CDK14: variants seen among roughly 807,000 people sequenced by gnomAD.
CDK14 encodes the protein cyclin-dependent kinase 14.
CDK14 carries 34 observed loss-of-function variants against 60.7 expected under a neutral mutation model. The ratio of observed to expected loss-of-function variants is 0.56; its 90% CI spans 0.43 to 0.75. The LOEUF is 0.75. Ranked by LOEUF, CDK14 falls within the 30% of genes least tolerant of loss-of-function variation. CDK14 has a pLI of 0.00. For missense variants in CDK14, 482 were observed against 564.1 expected (o/e 0.85, Z 1.47); for synonymous variants, 197 against 203.7 (o/e 0.97, Z 0.28).
intron 5 of CDK14, among the ~76,000 whole-genome samples, chr7:90,791,937 C>T (rs961848824): frequency 6.7e-6 from 1 of 148,226 alleles, no homozygotes; most frequent in Admixed American, 6.8e-5. Context: ...GAATCTTGCT[C>T]TGTCACCCAG....
chr7:90,795,944 C>T (rs1031036475), intron 5 of CDK14, among the ~76,000 whole-genome samples: 9 of 152,148 alleles, frequency 5.9e-5, no homozygotes, highest in African/African-American at 2.2e-4. Context: ...AGTAGGATCA[C>T]ATTGAAGTTG....
At chr7:90,736,214 C>T (rs964556481) in intron 3 of CDK14, among the ~76,000 whole-genome samples, 4 of 152,038 alleles carry the variant, frequency 2.6e-5, no homozygotes, top group Non-Finnish European at 4.4e-5. Flanking sequence ...TAGAAATCAC[C>T]TGCCTTCCGT....
At chr7:90,806,835 C>T (rs1010550679) in intron 5 of CDK14, among the ~76,000 whole-genome samples, 1 of 152,224 alleles carries the variant, frequency 6.6e-6, no homozygotes, top group Non-Finnish European at 1.5e-5. Context: ...GTGCCTGGCT[C>T]TGAGGGTCCT....
chr7:90,888,731 G>C (rs1376931384), intron 6 of CDK14, among the ~76,000 whole-genome samples: 1 of 152,010 alleles, frequency 6.6e-6, no homozygotes, highest in Non-Finnish European at 1.5e-5. Context: ...AGAATATTTT[G>C]TGTGGCCCAC....
chr7:90,945,607 A>G (rs563272814), intron 8 of CDK14, among the ~76,000 whole-genome samples: 6 of 152,270 alleles, frequency 3.9e-5, no homozygotes, highest in African/African-American at 1.4e-4. Context: ...GAACAAATAT[A>G]CTGAGCTCAC....
intron 14 of CDK14, among the ~76,000 whole-genome samples, chr7:91,185,783 T>C (rs1334071157): frequency 1.3e-5 from 2 of 151,990 alleles, no homozygotes; most frequent in African/African-American, 4.8e-5. Context: ...TTTAAAGCAG[T>C]TCGGGGGTTT....
chr7:90,787,738 A>C (rs1330435987), intron 4 of CDK14, among the ~76,000 whole-genome samples: 1 of 152,188 alleles, frequency 6.6e-6, no homozygotes. Flanking sequence ...ATAAAATCTC[A>C]GTGTCATGAA....
intron 7 of CDK14, among the ~76,000 whole-genome samples, chr7:90,909,431 AC>A (rs953584736): frequency 1.1e-5 from 1 of 88,466 alleles, no homozygotes; most frequent in African/African-American, 4.5e-5. Flanking sequence ...ACCCAGCCCC[AC>A]CCCCCACCCC....
intron 12 of CDK14, among the ~76,000 whole-genome samples, chr7:91,086,593 G>A (rs921319355): frequency 6.6e-6 from 1 of 152,042 alleles, no homozygotes; most frequent in African/African-American, 2.4e-5. Flanking sequence ...ATTGAGAGGG[G>A]CTCCATTTTC....
intron 5 of CDK14, among the ~76,000 whole-genome samples, chr7:90,812,945 T>C (rs1789195342): frequency 6.6e-6 from 1 of 152,162 alleles, no homozygotes; most frequent in Admixed American, 6.5e-5. Context: ...GAAAACATAC[T>C]TCCACATGAA....
chr7:90,838,616 G>T (rs1790190783), intron 5 of CDK14, among the ~76,000 whole-genome samples: 1 of 152,164 alleles, frequency 6.6e-6, no homozygotes, highest in South Asian at 2.1e-4. Context: ...TGCATTCCCA[G>T]GGGTAGGTCT....
chr7:90,811,046 G>T (rs1216563590), intron 5 of CDK14, among the ~76,000 whole-genome samples: 1 of 152,190 alleles, frequency 6.6e-6, no homozygotes, highest in Non-Finnish European at 1.5e-5. Flanking sequence ...ACTGCCCAAG[G>T]TAATTTATAG....
At chr7:90,757,724 C>T (rs1482836244) in intron 4 of CDK14, among the ~76,000 whole-genome samples, 1 of 152,044 alleles carries the variant, frequency 6.6e-6, no homozygotes, top group Non-Finnish European at 1.5e-5. Flanking sequence ...CCTCAGCACC[C>T]CCGAGTAGCT....
chr7:91,092,384 T>G (rs1692385102), intron 12 of CDK14, among the ~76,000 whole-genome samples: 1 of 152,180 alleles, frequency 6.6e-6, no homozygotes, highest in Non-Finnish European at 1.5e-5. Context: ...AAGAATAATT[T>G]GACCAGCCTC....
chr7:90,815,728 T>C (rs2117059472), intron 5 of CDK14, among the ~76,000 whole-genome samples: 1 of 152,336 alleles, frequency 6.6e-6, no homozygotes, highest in South Asian at 2.1e-4. Flanking sequence ...CATGGAATAC[T>C]ATGCAGCCAT....
intron 6 of CDK14, among the ~76,000 whole-genome samples, chr7:90,867,631 A>G (rs1050792545): frequency 1.3e-5 from 2 of 152,126 alleles, no homozygotes; most frequent in African/African-American, 4.8e-5. Flanking sequence ...AGGAGGGGAA[A>G]ATAGGGAGTT....
chr7:90,899,230 A>G (rs1792426892), intron 6 of CDK14, 61 bp from the exon 7 acceptor site: 1 of 1,314,686 alleles, frequency 7.6e-7, no homozygotes, highest in Non-Finnish European at 1.1e-6. Context: ...AAGTAGGAAA[A>G]TATTGATTTA....
chr7:91,051,746 A>G (rs1797398372), intron 11 of CDK14, among the ~76,000 whole-genome samples: 1 of 152,192 alleles, frequency 6.6e-6, no homozygotes, highest in East Asian at 1.9e-4. Context: ...CTTTTGCATA[A>G]GGCTCTCTGC....
chr7:90,638,823 T>C (rs1388343129), intron 2 of CDK14, among the ~76,000 whole-genome samples: 1 of 151,710 alleles, frequency 6.6e-6, no homozygotes, highest in Non-Finnish European at 1.5e-5. Context: ...GGAGGCTTTG[T>C]TCGTTTCTTT....
Sources: gnomAD v4.1 joint callset for allele counts (sites outside exome capture counted in the v4.1 genomes callset) on GRCh38, gnomAD v4.1.1 for gene constraint, MANE v1.5 for transcripts, NCBI Gene and HGNC (gene_info 2026-07-23, HGNC 2026-07-21) for gene names.